The following ARL6IP6 variants were observed in gnomAD, a reference collection of about 807,000 sequenced individuals.
ARL6IP6 encodes ADP-ribosylation factor-like protein 6-interacting protein 6.
Under a neutral mutation model 21.5 loss-of-function variants are expected in ARL6IP6, and 22 were observed. The observed-to-expected ratio is 1.02, with a 90% CI of 0.73 to 1.46. The LOEUF is 1.46. ARL6IP6 is among the 40% of genes most tolerant of loss of function. The pLI, the probability that ARL6IP6 is intolerant of heterozygous loss-of-function variation, is 0.00. For synonymous variants in ARL6IP6, 164 were observed against 125.3 expected, an observed-to-expected ratio of 1.31 and a Z score of -2.06; for missense variants, 388 against 299.8, an observed-to-expected ratio of 1.29 and a Z score of -2.17.
chr2:152,718,722 A>G lies in ARL6IP6; in HGVS notation c.98A>G (p.Gln33Arg), dbSNP rs1174220842. Residue 33 changes from glutamine to arginine, a missense_variant, in exon 1 of 4, where the codon CAG becomes CGG. Physicochemically the swap from Gln to Arg is conservative, Grantham distance 43 (BLOSUM62 1). Coordinates refer to ENST00000326446, the MANE Select transcript of ARL6IP6 (RefSeq NM_152522.7). Reference sequence around the variant, plus strand: ...CGGCCATCGTATTCCTCCTTTACTCAGGGGGACAGCTGGGGTGAAGGCGAA... The same window carrying G: ...CGGCCATCGTATTCCTCCTTTACTCGGGGGGACAGCTGGGGTGAAGGCGAA... ...VARPSYSSFT[Q>R]GDSWGEGEVD... The G allele has an allele frequency of 6.2e-7, 1 of 1,609,194 alleles. No homozygotes were observed. The highest frequency in any genetic ancestry group is 1.3e-5 in the African/African-American group (1 of 74,830).
At chr2:152,727,207 G>A (rs1053121800) in intron 2 of ARL6IP6, among the ~76,000 whole-genome samples, 3 of 152,130 alleles carry the variant, frequency 2.0e-5, no homozygotes, top group African/African-American at 7.2e-5. Flanking sequence ...GTAGGCCTAG[G>A]CTAATGTGTG....
At chr2:152,738,910 C>G (rs1700675300) in intron 3 of ARL6IP6, among the ~76,000 whole-genome samples, 2 of 151,846 alleles carry the variant, frequency 1.3e-5, no homozygotes, top group Admixed American at 1.3e-4. Context: ...ATTTTCTGAG[C>G]TTTTATGCTT....
chr2:152,735,532 A>G (rs2105130607), intron 3 of ARL6IP6, among the ~76,000 whole-genome samples: 1 of 152,318 alleles, frequency 6.6e-6, no homozygotes, highest in African/African-American at 2.4e-5. Flanking sequence ...TAGGATTTTA[A>G]CTTTGTGTAA....
chr2:152,738,788 T>A (rs1367271215), intron 3 of ARL6IP6, among the ~76,000 whole-genome samples: 1 of 152,128 alleles, frequency 6.6e-6, no homozygotes, highest in Non-Finnish European at 1.5e-5. Flanking sequence ...TTTTCCCCAT[T>A]GTCTTGGCAA....
chr2:152,746,530 G>C (rs1384464640), intron 3 of ARL6IP6, among the ~76,000 whole-genome samples: 1 of 152,134 alleles, frequency 6.6e-6, no homozygotes, highest in Non-Finnish European at 1.5e-5. Context: ...AGTCAGGAGA[G>C]GTAGCTTCCA....
chr2:152,719,027 A>G lies in ARL6IP6; in HGVS notation c.400+3A>G, dbSNP rs1699514606. On this transcript the variant is annotated splice_donor_region_variant and intron_variant, in intron 1 of 3. Transcript: ENST00000326446. ...CATCGCCTACTTGATCGTTAAAGGT[A>G]TTGAAGCCGACGCCTTGAAAGTCTG... 7 of 1,539,794 alleles carry G rather than the reference A, an allele frequency of 4.5e-6. No individual in the cohort carries two copies. Among genetic ancestry groups the G allele is most frequent in the Non-Finnish European group, 6.1e-6 (7 of 1,142,556 alleles).
chr2:152,747,075 C>A (rs931069775), intron 3 of ARL6IP6, among the ~76,000 whole-genome samples: 10 of 152,098 alleles, frequency 6.6e-5, no homozygotes, highest in Non-Finnish European at 8.8e-5. Flanking sequence ...AGCAATCCTC[C>A]TGGCCTAGTC....
upstream of ARL6IP6, chr2:152,717,939 G>A: frequency 9.9e-7 from 1 of 1,005,960 alleles, no homozygotes; most frequent in Non-Finnish European, 1.2e-6. Flanking sequence ...AGGGGAGGAG[G>A]CGGGGAAGGC....
intron 2 of ARL6IP6, among the ~76,000 whole-genome samples, chr2:152,728,117 A>G (rs951185179): frequency 1.3e-5 from 2 of 152,208 alleles, no homozygotes; most frequent in Admixed American, 6.5e-5. Flanking sequence ...CAGCCTTGTT[A>G]AAGTGCCTTT....
chr2:152,718,497 C>T (rs573285296), upstream of ARL6IP6: 8 of 1,356,902 alleles, frequency 5.9e-6, no homozygotes, highest in African/African-American at 9.0e-5. Context: ...CACCCTTGCT[C>T]TCCGTGGTTT....
chr2:152,718,940 G>T lies in ARL6IP6; in HGVS notation c.316G>T (p.Val106Phe), dbSNP rs777747176. ...CAGAGCCCAGCCTCGGCGGTGGCCGGTCCAGGTCCTCTCTATTCTCTGCTC... is the reference window on the plus strand; with the variant it reads ...CAGAGCCCAGCCTCGGCGGTGGCCGTTCCAGGTCCTCTCTATTCTCTGCTC... ...GSRAQPRRWP[V>F]QVLSILCSLL... Residue 106 changes from valine to phenylalanine, a missense_variant, in exon 1 of 4, where the codon GTC becomes TTC. Physicochemically the swap from Val to Phe is conservative, Grantham distance 50. Coordinates refer to ENST00000326446, the MANE Select transcript of ARL6IP6 (RefSeq NM_152522.7). 2.5e-6 allele frequency: 4 copies of T among 1,613,392 alleles called. No homozygotes were observed. In the African/African-American group the frequency reaches 5.3e-5, roughly 22 times the overall value.
intron 2 of ARL6IP6, among the ~76,000 whole-genome samples, chr2:152,723,950 G>C (rs1051042512): frequency 1.3e-5 from 2 of 151,644 alleles, no homozygotes; most frequent in Admixed American, 6.5e-5. Context: ...TTTATAATTT[G>C]AACCTATACT....
At chr2:152,730,997 G>A (rs954398482) in intron 2 of ARL6IP6, among the ~76,000 whole-genome samples, 7 of 152,014 alleles carry the variant, frequency 4.6e-5, no homozygotes, top group South Asian at 2.1e-4. Context: ...CTCACTTGTC[G>A]ATAAGCCCCT....
intron 3 of ARL6IP6, among the ~76,000 whole-genome samples, chr2:152,737,455 T>G (rs1030321750): frequency 3.3e-5 from 5 of 152,186 alleles, no homozygotes; most frequent in Admixed American, 1.3e-4. Flanking sequence ...GCCTCAATTT[T>G]CCATGTATTT....
At chr2:152,740,026 A>G in intron 3 of ARL6IP6, among the ~76,000 whole-genome samples, 1 of 152,184 alleles carries the variant, frequency 6.6e-6, no homozygotes, top group African/African-American at 2.4e-5. Context: ...CGTGGGGATT[A>G]TGAGAACTGC....
At chr2:152,751,947 C>G (rs1701352661) in intron 3 of ARL6IP6, among the ~76,000 whole-genome samples, 1 of 152,174 alleles carries the variant, frequency 6.6e-6, no homozygotes, top group Non-Finnish European at 1.5e-5. Context: ...TGAGAAACTT[C>G]ATACTGTTTT....
At chr2:152,721,350 C>CT (rs372234306) in intron 2 of ARL6IP6, among the ~76,000 whole-genome samples, 106 of 146,338 alleles carry the variant, frequency 7.2e-4, no homozygotes, top group East Asian at 1.0e-3. Context: ...TTATGTGCAG[C>CT]TTTTTTTTTT....
intron 2 of ARL6IP6, among the ~76,000 whole-genome samples, chr2:152,724,964 C>T (rs1699970526): frequency 6.6e-6 from 1 of 151,938 alleles, no homozygotes; most frequent in African/African-American, 2.4e-5. Context: ...AATCTTAGAC[C>T]CTATAATTAT....
At chr2:152,744,319 T>A (rs1344050975) in intron 3 of ARL6IP6, among the ~76,000 whole-genome samples, 1 of 152,142 alleles carries the variant, frequency 6.6e-6, no homozygotes, top group Non-Finnish European at 1.5e-5. Context: ...ATAATTACAT[T>A]TGTGCATTTC....
Sources: allele counts gnomAD v4.1 joint callset (sites outside exome capture counted in the v4.1 genomes callset), GRCh38; gene constraint gnomAD v4.1.1; transcripts MANE v1.5; gene names NCBI Gene and HGNC (gene_info 2026-07-23, HGNC 2026-07-21).